The following GALNTL5 variants were observed in gnomAD, a reference collection of about 807,000 sequenced individuals.
The protein encoded by GALNTL5 is inactive polypeptide N-acetylgalactosaminyltransferase-like protein 5.
A neutral mutation model predicts 51.0 loss-of-function variants in GALNTL5; 44 were observed. The ratio of observed to expected loss-of-function variants is 0.86; its 90% CI spans 0.68 to 1.11. The LOEUF is 1.11. GALNTL5 is among the 50% of genes least tolerant of loss of function. The pLI, the probability that GALNTL5 is intolerant of heterozygous loss-of-function variation, is 0.00. For synonymous variants in GALNTL5, 192 were observed against 182.8 expected, an observed-to-expected ratio of 1.05 and a Z score of -0.41; for missense variants, 528 against 531.8, an observed-to-expected ratio of 0.99 and a Z score of 0.07.
At chr7:151,982,014 G>GT (rs1267201118) in intron 3 of GALNTL5, among the ~76,000 whole-genome samples, 1 of 151,662 alleles carries the variant, frequency 6.6e-6, no homozygotes, top group East Asian at 1.9e-4. Context: ...AAATATTTCA[G>GT]TATACAACTA....
Position 151,974,117 on chromosome 7 carries a change from T to TTTTTTTGTGACTGGATTATTTTGCTTAG in GALNTL5, c.368+3052_368+3053insTTTTTTGTGACTGGATTATTTTGCTTAG, listed in dbSNP as rs1362836180. On this transcript the variant is annotated intron_variant, in intron 3 of 8. Coordinates refer to ENST00000392800, the MANE Select transcript of GALNTL5 (RefSeq NM_145292.4). ...TCTTTTGTTTAGAAATTACCCAGTC[T>TTTTTTTGTGACTGGATTATTTTGCTTAG]CAGGTGGTATCCTTATAGCAGTGTG... is the stretch of plus-strand genomic sequence containing the variant. Among the ~76,000 whole-genome samples, 204 of 129,986 alleles carry TTTTTTTGTGACTGGATTATTTTGCTTAG rather than the reference T, an allele frequency of 1.6e-3. 25 individuals are homozygous for TTTTTTTGTGACTGGATTATTTTGCTTAG. Among genetic ancestry groups the TTTTTTTGTGACTGGATTATTTTGCTTAG allele is most frequent in the African/African-American group, 5.6e-3 (196 of 35,140 alleles). The allele number at this position is 129,986 out of a possible 152,430, so 85.3% of individuals were successfully genotyped here.
chr7:152,008,789 G>A (rs1055085842), intron 7 of GALNTL5, among the ~76,000 whole-genome samples: 5 of 151,826 alleles, frequency 3.3e-5, no homozygotes, highest in East Asian at 3.9e-4. Context: ...CCCTTTGGAC[G>A]TAGGCATTAT....
chr7:152,002,485 C>T (rs907480239), intron 5 of GALNTL5, among the ~76,000 whole-genome samples: 3 of 152,174 alleles, frequency 2.0e-5, no homozygotes, highest in African/African-American at 7.2e-5. Flanking sequence ...CCCAAAACCA[C>T]TCTCTAACCC....
rs1475844967 is a variant in GALNTL5, at chr7:151,983,003, A to G, written c.386A>G (p.Tyr129Cys). Reference sequence around the variant, plus strand: ...GCCTGCAGGTGTCTTCAAAAACATTACCCAGCCCGCCTCCCGACTGCCAGC... The same window carrying G: ...GCCTGCAGGTGTCTTCAAAAACATTGCCCAGCCCGCCTCCCGACTGCCAGC... ...TRSKMCLQKH[Y>C]PARLPTASIV... Residue 129 changes from tyrosine to cysteine, a missense_variant, in exon 4 of 9, where the codon TAC (tyrosine) becomes TGC (cysteine). By Grantham distance (194) the Tyr-to-Cys change is radical. Coordinates refer to ENST00000392800, the MANE Select transcript of GALNTL5 (RefSeq NM_145292.4). The G allele has an allele frequency of 2.4e-5, 38 of 1,613,984 alleles. No homozygotes were observed. The highest frequency in any genetic ancestry group is 3.0e-5 in the Non-Finnish European group (35 of 1,180,008).
At chr7:151,974,560 C>T (rs1168147295) in intron 3 of GALNTL5, among the ~76,000 whole-genome samples, 1 of 152,154 alleles carries the variant, frequency 6.6e-6, no homozygotes, top group Non-Finnish European at 1.5e-5. Flanking sequence ...GTGGTACACT[C>T]AAGAGACGTG....
Position 151,983,028 on chromosome 7 carries a change from C to G in GALNTL5, c.411C>G (p.Ser137Arg), listed in dbSNP as rs765645704. The change falls in exon 4 of 9, where the codon AGC (serine) becomes AGG (arginine). Residue 137 changes from serine (S) to arginine (R), a missense_variant. Coordinates refer to ENST00000392800, the MANE Select transcript of GALNTL5 (RefSeq NM_145292.4). ...ACCCAGCCCGCCTCCCGACTGCCAG[C>G]ATTGTCATTTGCTTCTATAATGAAG... ...KHYPARLPTA[S>R]IVICFYNEEC... 1 of 1,614,162 alleles carries G rather than the reference C, an allele frequency of 6.2e-7. No homozygotes were observed. Among genetic ancestry groups the G allele is most frequent in the Non-Finnish European group, 8.5e-7 (1 of 1,180,020 alleles).
Position 151,990,960 on chromosome 7 carries a change from T to C in GALNTL5, c.658+3679T>C, listed in dbSNP as rs191334050. On this transcript the variant is annotated intron_variant, in intron 5 of 8. Transcript: ENST00000392800. ...TCATTTTGGAATCTTATTATTATAA[T>C]AGTAGCTAGCTTTAACATAATAAAA... is the stretch of plus-strand genomic sequence containing the variant. Among the ~76,000 whole-genome samples the C allele has an allele frequency of 1.5e-3, 230 of 152,310 alleles. 3 individuals carry two copies. The highest frequency in any genetic ancestry group is 5.4e-3 in the African/African-American group (223 of 41,556).
intron 7 of GALNTL5, among the ~76,000 whole-genome samples, chr7:152,014,107 T>C (rs1033683896): frequency 2.0e-5 from 3 of 152,224 alleles, no homozygotes; most frequent in African/African-American, 4.8e-5. Flanking sequence ...ATTTGAACCT[T>C]GTACTCTACT....
At chr7:152,001,234 G>A (rs181284296) in intron 5 of GALNTL5, among the ~76,000 whole-genome samples, 164 of 150,378 alleles carry the variant, frequency 1.1e-3, no homozygotes, top group African/African-American at 3.3e-3. Context: ...TCATTTTCTC[G>A]ATTGTGTCTT....
intron 3 of GALNTL5, among the ~76,000 whole-genome samples, chr7:151,975,004 G>A (rs1229447033): frequency 6.6e-6 from 1 of 152,044 alleles, no homozygotes; most frequent in Non-Finnish European, 1.5e-5. Context: ...CAGATTTTTA[G>A]CCATTATTGT....
intron 3 of GALNTL5, among the ~76,000 whole-genome samples, chr7:151,971,869 T>A (rs1439021877): frequency 6.6e-6 from 1 of 152,176 alleles, no homozygotes; most frequent in African/African-American, 2.4e-5. Flanking sequence ...TGCCTTGCTT[T>A]CCCTTCACCT....
chr7:152,007,907 AT>A lies in GALNTL5; in HGVS notation c.994del (p.Trp332GlyfsTer10). 6.2e-7 allele frequency: 1 copy of A among 1,610,186 alleles called. No individual in the cohort carries two copies. The highest frequency in any genetic ancestry group is 8.5e-7 in the Non-Finnish European group (1 of 1,177,138). ...ATTGGACAGTATGACAAGGATATGG[AT>A]TTTTGGGGAAGAGAAAATTTGGAAC... ...NEIGQYDKDM[D>X]FWGRENLELS... On this transcript the variant is annotated frameshift_variant, in exon 7 of 9. Transcript: ENST00000392800. LOFTEE classifies it high-confidence loss of function.
intron 4 of GALNTL5, among the ~76,000 whole-genome samples, chr7:151,983,510 G>A (rs1038486944): frequency 1.3e-5 from 2 of 152,094 alleles, no homozygotes; most frequent in Non-Finnish European, 1.5e-5. Flanking sequence ...TGCGCTCCCC[G>A]ATGGCACTTG....
intron 5 of GALNTL5, among the ~76,000 whole-genome samples, chr7:151,988,246 G>A (rs1160260918): frequency 4.6e-5 from 7 of 152,208 alleles, no homozygotes; most frequent in Non-Finnish European, 1.5e-5. Flanking sequence ...GGACTTTGTT[G>A]TGAACCATTG....
intron 6 of GALNTL5, among the ~76,000 whole-genome samples, chr7:152,007,379 G>T (rs1462802386): frequency 6.8e-6 from 1 of 146,036 alleles, no homozygotes. Flanking sequence ...ATACTTAAAT[G>T]TATAATAGGA....
intron 5 of GALNTL5, among the ~76,000 whole-genome samples, chr7:152,001,811 G>A (rs1431719784): frequency 6.6e-6 from 1 of 152,110 alleles, no homozygotes; most frequent in African/African-American, 2.4e-5. Flanking sequence ...ATTAGTATGG[G>A]GGTTATTGCC....
At chr7:151,985,342 C>T (rs756072976) in intron 4 of GALNTL5, among the ~76,000 whole-genome samples, 30 of 152,276 alleles carry the variant, frequency 2.0e-4, no homozygotes, top group Middle Eastern at 3.4e-3. Flanking sequence ...AACCAGACAC[C>T]TCTGCTTCTC....
At chr7:151,968,718 C>A (rs550590761) in intron 2 of GALNTL5, among the ~76,000 whole-genome samples, 6 of 152,182 alleles carry the variant, frequency 3.9e-5, no homozygotes, top group Admixed American at 6.5e-5. Context: ...AAACTGTTCC[C>A]CAAAGTAGCT....
intron 3 of GALNTL5, among the ~76,000 whole-genome samples, chr7:151,980,814 C>T (rs1257572045): frequency 1.6e-5 from 2 of 123,028 alleles, no homozygotes; most frequent in Admixed American, 9.9e-5. Flanking sequence ...GGCGGGATCT[C>T]GGCTCACTGC....
Sources: allele counts gnomAD v4.1 joint callset (sites outside exome capture counted in the v4.1 genomes callset), GRCh38; gene constraint gnomAD v4.1.1; transcripts MANE v1.5; gene names NCBI Gene and HGNC (gene_info 2026-07-23, HGNC 2026-07-21).